Variants in CRACD observed in about 807,000 individuals in gnomAD.
The protein encoded by CRACD is capping protein inhibiting regulator of actin dynamics, also known as capping protein-inhibiting regulator of actin dynamics.
CRACD carries 56 observed loss-of-function variants against 106.8 expected under a neutral mutation model. That is an observed-to-expected ratio of 0.52 (90% CI 0.42 to 0.66). CRACD has a LOEUF of 0.66. Ranked by LOEUF, CRACD falls within the 30% of genes least tolerant of loss-of-function variation. CRACD has a pLI of 0.00. For missense variants in CRACD, 1,730 were observed against 1,623.2 expected (o/e 1.07, Z -1.13); for synonymous variants, 754 against 670.8 (o/e 1.12, Z -1.92).
chr4:56,185,718 CCT>C (rs572472017), intron 2 of CRACD, among the ~76,000 whole-genome samples: 38 of 152,194 alleles, frequency 2.5e-4, no homozygotes, highest in Non-Finnish European at 4.6e-4. Flanking sequence ...TTTGACTTCA[CCT>C]TATTTCACTT....
intron 5 of CRACD, among the ~76,000 whole-genome samples, chr4:56,310,094 TG>T (rs1306512434): frequency 6.6e-6 from 1 of 151,954 alleles, no homozygotes; most frequent in Non-Finnish European, 1.5e-5. Context: ...AAATGACCTC[TG>T]GGGGTCTCCT....
chr4:56,191,721 G>A (rs1433161552), intron 2 of CRACD, among the ~76,000 whole-genome samples: 1 of 152,194 alleles, frequency 6.6e-6, no homozygotes, highest in African/African-American at 2.4e-5. Context: ...GACCTGTGTG[G>A]AACGCCCAAC....
chr4:56,233,578 A>G (rs921748255), intron 2 of CRACD, among the ~76,000 whole-genome samples: 17 of 152,322 alleles, frequency 1.1e-4, no homozygotes, highest in African/African-American at 4.1e-4. Context: ...TTTTTATGCC[A>G]ATACCACACT....
At chr4:56,267,973 C>A (rs1226866251) in intron 2 of CRACD, among the ~76,000 whole-genome samples, 1 of 152,192 alleles carries the variant, frequency 6.6e-6, no homozygotes, top group Non-Finnish European at 1.5e-5. Flanking sequence ...CTCTCCCAGC[C>A]TTTTTCTCAT....
chr4:56,222,395 GAGTGGGAGGGA>G (rs899586585), intron 2 of CRACD, among the ~76,000 whole-genome samples: 1 of 152,138 alleles, frequency 6.6e-6, no homozygotes, highest in East Asian at 1.9e-4. Context: ...GAAGTGGGGA[GAGTGGGAGGGA>G]AGTGAAGATT....
chr4:56,088,150 C>G (rs369250646), intron 1 of CRACD, among the ~76,000 whole-genome samples: 1 of 94,558 alleles, frequency 1.1e-5, no homozygotes, highest in Non-Finnish European at 2.3e-5. Context: ...TTTTTTTTTT[C>G]TTTTCAGCTT....
intron 2 of CRACD, among the ~76,000 whole-genome samples, chr4:56,205,599 C>A (rs917558903): frequency 6.6e-6 from 1 of 151,890 alleles, no homozygotes; most frequent in Non-Finnish European, 1.5e-5. Context: ...GAGTTGAGAC[C>A]AGTACTCCAT....
At chr4:56,157,804 C>A (rs1394804414) in intron 1 of CRACD, among the ~76,000 whole-genome samples, 1 of 152,184 alleles carries the variant, frequency 6.6e-6, no homozygotes, top group Admixed American at 6.5e-5. Flanking sequence ...CTTCCTGAGG[C>A]ACTGTATGCC....
At chr4:56,300,297 A>G (rs1744291994) in intron 4 of CRACD, among the ~76,000 whole-genome samples, 1 of 152,194 alleles carries the variant, frequency 6.6e-6, no homozygotes, top group Admixed American at 6.5e-5. Flanking sequence ...GAGACCTTGG[A>G]ACGACACCCA....
At chr4:56,068,952 T>C (rs1054330163) in intron 1 of CRACD, among the ~76,000 whole-genome samples, 5 of 152,272 alleles carry the variant, frequency 3.3e-5, no homozygotes, top group Admixed American at 3.3e-4. Context: ...CCTGGATTTA[T>C]AGTGAGCCCT....
chr4:56,121,100 A>G (rs1262688608), intron 1 of CRACD, among the ~76,000 whole-genome samples: 1 of 152,234 alleles, frequency 6.6e-6, no homozygotes, highest in Non-Finnish European at 1.5e-5. Flanking sequence ...CCCTCTTCAT[A>G]TAACATTACT....
intron 1 of CRACD, among the ~76,000 whole-genome samples, chr4:56,122,500 G>T (rs910420878): frequency 2.0e-5 from 3 of 152,008 alleles, no homozygotes; most frequent in Admixed American, 1.3e-4. Context: ...CCACTGATTC[G>T]AGTCTTGTTT....
intron 1 of CRACD, among the ~76,000 whole-genome samples, chr4:56,054,246 C>A (rs2109777639): frequency 6.6e-6 from 1 of 152,238 alleles, no homozygotes. Context: ...AGTGATGTAA[C>A]CATGGCTCAC....
chr4:56,057,625 GT>G lies in CRACD; in HGVS notation c.-336+8345del, dbSNP rs1196589410. On this transcript the variant is annotated intron_variant, in intron 1 of 10. Coordinates refer to ENST00000682029, the MANE Select transcript of CRACD (RefSeq NM_001393381.1). ...TACCAGAGGATTTCAGATAGGTTGG[GT>G]TTTTTTTTTTTTTTTTTTGGGAGAC... Among the ~76,000 whole-genome samples the G allele has an allele frequency of 5.5e-3, 687 of 125,058 alleles. 2 individuals carry two copies. Among genetic ancestry groups the G allele is most frequent in the South Asian group, 0.013 (51 of 3,930 alleles). 82.0% of individuals were successfully genotyped at this position (125,058 alleles called of 152,430 possible). A position where few individuals can be genotyped will look rare whatever the true frequency, so the allele number is the denominator to read the frequency against.
chr4:56,077,426 A>G (rs1414098896), intron 1 of CRACD, among the ~76,000 whole-genome samples: 4 of 152,200 alleles, frequency 2.6e-5, no homozygotes, highest in African/African-American at 4.8e-5. Context: ...CAGCCAAACC[A>G]TATCATTATG....
chr4:56,201,581 A>G (rs998647766), intron 2 of CRACD, among the ~76,000 whole-genome samples: 6 of 152,184 alleles, frequency 3.9e-5, no homozygotes, highest in African/African-American at 1.4e-4. Flanking sequence ...GACGGTGGGT[A>G]TGAAATGCAT....
intron 3 of CRACD, among the ~76,000 whole-genome samples, chr4:56,292,813 C>T (rs1298333508): frequency 6.6e-6 from 1 of 152,088 alleles, no homozygotes; most frequent in African/African-American, 2.4e-5. Context: ...CGTGAGCCAC[C>T]GCGACTGGCC....
Position 56,328,162 on chromosome 4 carries a change from T to C in CRACD, c.*358T>C. On this transcript the variant is annotated 3_prime_UTR_variant, in exon 11 of 11. Coordinates refer to ENST00000682029, the MANE Select transcript of CRACD (RefSeq NM_001393381.1). ...CAGAACATGTACTTTTGCCAACCTT[T>C]GGTAATGGTTTTTTGATTCTATGCA... 1 of 386,774 alleles carries C rather than the reference T, an allele frequency of 2.6e-6. No individual in the cohort carries two copies. Among genetic ancestry groups the C allele is most frequent in the Admixed American group, 3.4e-5 (1 of 29,046 alleles). The allele number at this position is 386,774 out of a possible 1,614,324, so 24.0% of individuals were successfully genotyped here.
At chr4:56,165,831 A>G (rs1736120726) in intron 1 of CRACD, among the ~76,000 whole-genome samples, 1 of 152,222 alleles carries the variant, frequency 6.6e-6, no homozygotes, top group Non-Finnish European at 1.5e-5. Context: ...TCAAATGGAG[A>G]GAGCAAAAAC....
Sources: allele counts gnomAD v4.1 joint callset (sites outside exome capture counted in the v4.1 genomes callset), GRCh38; gene constraint gnomAD v4.1.1; transcripts MANE v1.5; gene names NCBI Gene and HGNC (gene_info 2026-07-23, HGNC 2026-07-21).